The following KLHL22 variants were observed in gnomAD, a reference collection of about 807,000 sequenced individuals.
KLHL22 encodes kelch like family member 22.
In KLHL22, 18 loss-of-function variants were observed where a neutral mutation model predicts 60.7. The ratio of observed to expected loss-of-function variants is 0.30; its 90% CI spans 0.20 to 0.44. The LOEUF (loss-of-function observed/expected upper bound fraction) is 0.44, where lower values mean the gene tolerates loss of function less well. KLHL22 is among the 20% of genes least tolerant of loss of function. The pLI, the probability that KLHL22 is intolerant of heterozygous loss-of-function variation, is 1.00. For synonymous variants in KLHL22, 355 were observed against 354.5 expected (o/e 1.00, Z -0.01); for missense variants, 596 against 852.3 (o/e 0.70, Z 3.74).
intron 4 of KLHL22, among the ~76,000 whole-genome samples, chr22:20,462,546 G>A (rs2053173346): frequency 6.8e-6 from 1 of 148,096 alleles, no homozygotes; most frequent in African/African-American, 2.5e-5. Flanking sequence ...TTTTGGTAGA[G>A]ACGAGGTCTC....
chr22:20,454,266 T>A (rs1440834381), intron 5 of KLHL22, among the ~76,000 whole-genome samples: 1 of 151,928 alleles, frequency 6.6e-6, no homozygotes, highest in Non-Finnish European at 1.5e-5. Context: ...GAGGCAGAGG[T>A]TGCAGTGAGC....
At chr22:20,494,083 C>CT (rs913286418) in intron 1 of KLHL22, among the ~76,000 whole-genome samples, 5 of 146,164 alleles carry the variant, frequency 3.4e-5, no homozygotes, top group African/African-American at 5.1e-5. Context: ...TGCCCCCCCC[C>CT]CAAAAAAAAA....
At chr22:20,476,567 C>G (rs1246724097) in intron 2 of KLHL22, among the ~76,000 whole-genome samples, 1 of 151,062 alleles carries the variant, frequency 6.6e-6, no homozygotes, top group African/African-American at 2.4e-5. Flanking sequence ...GTGCCCGCCA[C>G]GTCGCCCGGC....
chr22:20,467,314 T>C (rs1309585560), intron 3 of KLHL22, among the ~76,000 whole-genome samples: 4 of 152,236 alleles, frequency 2.6e-5, no homozygotes, highest in Admixed American at 6.5e-5. Flanking sequence ...TAAACCCTCA[T>C]AGAAACTCCA....
Position 20,480,295 on chromosome 22 carries a change from G to A in KLHL22, c.227+8690C>T, listed in dbSNP as rs558581942. ...CTGTTTCGTAATAATGTGAATAATC[G>A]TAATATTACTGAACTAGATGGTAAG... On this transcript the variant is annotated intron_variant, in intron 2 of 6. Coordinates refer to ENST00000328879, the MANE Select transcript of KLHL22 (RefSeq NM_032775.4). Among the ~76,000 whole-genome samples, 97 of 152,266 alleles carry A rather than the reference G, an allele frequency of 6.4e-4. 1 individual carries two copies. The highest frequency in any genetic ancestry group is 1.2e-3 in the Non-Finnish European group (81 of 68,026).
chr22:20,491,083 G>C (rs755861588), intron 1 of KLHL22: 4 of 152,134 alleles, frequency 2.6e-5, no homozygotes, highest in Admixed American at 6.5e-5. Context: ...ACAGAACTCA[G>C]GAAAATACTC....
At chr22:20,459,682 G>T (rs1198183958) in intron 4 of KLHL22, among the ~76,000 whole-genome samples, 1 of 152,194 alleles carries the variant, frequency 6.6e-6, no homozygotes, top group Non-Finnish European at 1.5e-5. Flanking sequence ...TCTGCTGAAT[G>T]AATTAAACAA....
At chr22:20,453,265 T>A (rs1466434563) in intron 5 of KLHL22, among the ~76,000 whole-genome samples, 2 of 152,338 alleles carry the variant, frequency 1.3e-5, no homozygotes, top group East Asian at 3.9e-4. Flanking sequence ...TTCTTCTTTT[T>A]TTCTAGAAGT....
intron 2 of KLHL22, among the ~76,000 whole-genome samples, chr22:20,475,744 G>A (rs1217397128): frequency 6.6e-6 from 1 of 152,064 alleles, no homozygotes; most frequent in African/African-American, 2.4e-5. Context: ...TGTATTTTCA[G>A]TAGAGATGGG....
chr22:20,451,760 A>C (rs2052983308), intron 5 of KLHL22: 2 of 1,578,434 alleles, frequency 1.3e-6, no homozygotes, highest in Non-Finnish European at 1.7e-6. Context: ...AACAGCTGGG[A>C]AGTCGTGACA....
intron 4 of KLHL22, among the ~76,000 whole-genome samples, chr22:20,458,782 G>A (rs545123727): frequency 2.6e-5 from 4 of 152,112 alleles, no homozygotes; most frequent in South Asian, 4.1e-4. Context: ...TCTGGTCATC[G>A]TACTTTCACC....
chr22:20,452,235 T>G (rs947145609), intron 5 of KLHL22, among the ~76,000 whole-genome samples: 5 of 151,762 alleles, frequency 3.3e-5, no homozygotes, highest in African/African-American at 1.2e-4. Context: ...GATACCAATT[T>G]AAGTAAACTT....
intron 2 of KLHL22, among the ~76,000 whole-genome samples, chr22:20,479,176 G>T (rs2053460191): frequency 6.6e-6 from 1 of 151,610 alleles, no homozygotes; most frequent in Admixed American, 6.6e-5. Flanking sequence ...AACCTCCTGG[G>T]CTCAAGTGAT....
At chr22:20,442,501 C>G (rs1160790413) in intron 6 of KLHL22, 63 bp from the exon 7 acceptor site, 1 of 1,502,286 alleles carries the variant, frequency 6.7e-7, no homozygotes, top group Non-Finnish European at 8.9e-7. Context: ...AGCTCCCCCA[C>G]AAGCCCACTG....
rs1410549652 is a variant in KLHL22, at chr22:20,458,284, T to C, written c.1113-284A>G. On this transcript the variant is annotated intron_variant, in intron 4 of 6. Transcript: ENST00000328879. ...GCTGTCCAATGGCTCTTTTTTTTTTTTTTTTTTTTTTTTTGTGGAGAGAGG... is the reference window on the plus strand; with the variant it reads ...GCTGTCCAATGGCTCTTTTTTTTTTCTTTTTTTTTTTTTTGTGGAGAGAGG... Among the ~76,000 whole-genome samples the C allele has an allele frequency of 7.3e-3, 1,012 of 138,838 alleles. 12 individuals are homozygous for C. Among genetic ancestry groups the C allele is most frequent in the African/African-American group, 0.026 (937 of 36,732 alleles). The allele number at this position is 138,838 out of a possible 152,430, so 91.1% of individuals were successfully genotyped here.
At position 20,450,557 on chromosome 22, in the gene KLHL22, G is replaced by A. The variant is rs113663744; in HGVS notation, c.1306-3881C>T. The A allele has an allele frequency of 1.2e-4, 186 of 1,613,198 alleles. 2 individuals are homozygous for A. In the African/African-American group the frequency reaches 2.2e-3, roughly 19 times the overall value. Reference sequence around the variant, plus strand: ...AGGGATTTTGCTGAAACCCACAATTGTGTTGACCTGACACAAGCAGCTGAG... The same window carrying A: ...AGGGATTTTGCTGAAACCCACAATTATGTTGACCTGACACAAGCAGCTGAG... On this transcript the variant is annotated intron_variant, in intron 5 of 6. Transcript: ENST00000328879.
chr22:20,447,523 T>A (rs1408478461), intron 5 of KLHL22, among the ~76,000 whole-genome samples: 1 of 149,652 alleles, frequency 6.7e-6, no homozygotes, highest in Non-Finnish European at 1.5e-5. Flanking sequence ...CTATCACCAG[T>A]AGGGGTCTGG....
At chr22:20,451,044 G>A in intron 5 of KLHL22, 1 of 1,510,216 alleles carries the variant, frequency 6.6e-7, no homozygotes, top group Non-Finnish European at 9.2e-7. Context: ...CTCAGGAGTG[G>A]AGCTTTTTGC....
intron 2 of KLHL22, chr22:20,483,750 T>G (rs2053542412): frequency 1.1e-5 from 8 of 736,836 alleles, no homozygotes; most frequent in Non-Finnish European, 1.8e-5. Flanking sequence ...TCTGGGTCCC[T>G]TCTTCTCCAA....
Sources: gnomAD v4.1 joint callset for allele counts (sites outside exome capture counted in the v4.1 genomes callset) on GRCh38, gnomAD v4.1.1 for gene constraint, MANE v1.5 for transcripts, NCBI Gene and HGNC (gene_info 2026-07-23, HGNC 2026-07-21) for gene names.